The following SLC11A2 variants were observed in gnomAD, a reference collection of about 807,000 sequenced individuals.
SLC11A2 encodes the protein natural resistance-associated macrophage protein 2.
Under a neutral mutation model 68.0 loss-of-function variants are expected in SLC11A2, and 38 were observed. The observed-to-expected ratio is 0.56, with a 90% CI of 0.43 to 0.73. The LOEUF is 0.73. Among genes scored for constraint, SLC11A2 ranks in the 30% least tolerant of loss-of-function variants. The probability of loss-of-function intolerance (pLI) is 0.00; values close to 1 mark genes in which losing one functional copy is unlikely to be tolerated. For missense variants in SLC11A2, 517 were observed against 690.5 expected, an observed-to-expected ratio of 0.75 and a Z score of 2.82; for synonymous variants, 242 against 250.6, an observed-to-expected ratio of 0.97 and a Z score of 0.32.
At chr12:50,995,007 G>A in intron 10 of SLC11A2, 1 of 304,744 alleles carries the variant, frequency 3.3e-6, no homozygotes, top group Non-Finnish European at 6.3e-6. Context: ...GGAAACAAAT[G>A]GTGATCAAAA....
intron 12 of SLC11A2, 69 bp from the exon 13 acceptor site, chr12:50,992,408 G>C: frequency 7.0e-7 from 1 of 1,424,236 alleles, no homozygotes; most frequent in South Asian, 1.2e-5. Flanking sequence ...GGGAGGTTCA[G>C]GAGAGACCTC....
chr12:50,982,945 A>G (rs1462437923), downstream of SLC11A2, among the ~76,000 whole-genome samples: 3 of 151,596 alleles, frequency 2.0e-5, no homozygotes, highest in African/African-American at 7.3e-5. Context: ...CGTCAAAAAA[A>G]AAAAAAAAAA....
chr12:50,964,491 G>A, the SLC11A2 span, among the ~76,000 whole-genome samples: 1 of 152,138 alleles, frequency 6.6e-6, no homozygotes, highest in Non-Finnish European at 1.5e-5. Context: ...ATTTCCCCTT[G>A]ATGTTCAGAA....
intron 11 of SLC11A2, among the ~76,000 whole-genome samples, chr12:50,994,335 C>A (rs1941494425): frequency 6.6e-6 from 1 of 152,286 alleles, no homozygotes; most frequent in South Asian, 2.1e-4. Context: ...GCGTGAACCA[C>A]CGCACCCGGC....
chr12:51,026,474 T>C (rs1382517874), upstream of SLC11A2: 5 of 690,698 alleles, frequency 7.2e-6, no homozygotes, highest in African/African-American at 3.8e-5. Context: ...CCGGGATGCG[T>C]GGCCCGCAGA....
downstream of SLC11A2, among the ~76,000 whole-genome samples, chr12:50,982,355 G>A (rs532641866): frequency 3.9e-5 from 6 of 152,224 alleles, no homozygotes; most frequent in Admixed American, 3.3e-4. Flanking sequence ...GCTGGGTGCG[G>A]TGGCTCACGC....
At chr12:51,007,667 G>T (rs905016951) in intron 3 of SLC11A2, among the ~76,000 whole-genome samples, 11 of 150,716 alleles carry the variant, frequency 7.3e-5, no homozygotes, top group African/African-American at 2.7e-4. Flanking sequence ...TTGAGAGGAG[G>T]TCTCATTCTG....
Position 50,986,833 on chromosome 12 carries a change from T to A in SLC11A2, c.*1492A>T. The A allele has an allele frequency of 7.8e-7, 1 of 1,287,186 alleles. No homozygotes were observed. The highest frequency in any genetic ancestry group is 1.0e-6 in the Non-Finnish European group (1 of 988,674). The allele number at this position is 1,287,186 out of a possible 1,614,324, so 79.7% of individuals were successfully genotyped here. ...TAAATGCCTTATAAAAGACCATCCA[T>A]CCAGTCTGCGCTTTTGACTGTGTGC... On this transcript the variant is annotated 3_prime_UTR_variant, in exon 16 of 16. Transcript: ENST00000262052.
At chr12:50,989,790 T>C (rs1445598339) in intron 15 of SLC11A2, among the ~76,000 whole-genome samples, 1 of 152,210 alleles carries the variant, frequency 6.6e-6, no homozygotes, top group Non-Finnish European at 1.5e-5. Flanking sequence ...TAATAAAGTA[T>C]CTAATGTGTG....
chr12:50,988,367 T>G lies in SLC11A2; in HGVS notation c.1644A>C (p.Lys548Asn). 1.9e-6 allele frequency: 3 copies of G among 1,614,056 alleles called. No homozygotes were observed. Among genetic ancestry groups the G allele is most frequent in the Non-Finnish European group, 1.7e-6 (2 of 1,179,938 alleles). The change falls in exon 16 of 16, where the codon AAA (lysine) becomes AAC (asparagine). Residue 548 changes from lysine (K) to asparagine (N), a missense_variant. By Grantham distance (94) the Lys-to-Asn change is moderately conservative. Coordinates refer to ENST00000262052, the MANE Select transcript of SLC11A2 (RefSeq NM_000617.3). ...LDCGHTVSISKGLLTEEATRG... is the reference protein window; with the variant it reads ...LDCGHTVSISNGLLTEEATRG... ...GGGTGGCTTCTTCTGTCAGCAGGCC[T>G]TTAGAGATGCTTACCGTATGCCCAC...
At chr12:50,989,684 G>A (rs929941090) in intron 15 of SLC11A2, among the ~76,000 whole-genome samples, 12 of 152,164 alleles carry the variant, frequency 7.9e-5, no homozygotes, top group Admixed American at 7.9e-4. Flanking sequence ...CTAGATCATA[G>A]GGTCAGTACA....
chr12:51,005,195 G>T, intron 4 of SLC11A2, 116 bp downstream of exon 4: 1 of 1,146,482 alleles, frequency 8.7e-7, no homozygotes, highest in African/African-American at 1.5e-5. Context: ...AAGAGCCACT[G>T]CCAATGAAGT....
At position 51,013,127 on chromosome 12, in the gene SLC11A2, G is replaced by A. The variant is rs2239862; in HGVS notation, c.-38-2361C>T. On this transcript the variant is annotated intron_variant, in intron 1 of 15. Transcript: ENST00000262052. ...GGAAAAGAGGAACTTGGCACACTGA[G>A]GAATCAAAAAACTCAAGTACATCAA... 5.6e-3 allele frequency among the ~76,000 whole-genome samples: 856 copies of A among 152,166 alleles called. 4 individuals are homozygous for A. The highest frequency in any genetic ancestry group is 0.036 in the East Asian group (184 of 5,182).
At position 50,988,144 on chromosome 12, in the gene SLC11A2, G is replaced by A. The variant is rs749596220; in HGVS notation, c.*181C>T. The A allele has an allele frequency of 6.6e-7, 1 of 1,511,712 alleles. No homozygotes were observed. Among genetic ancestry groups the A allele is most frequent in the South Asian group, 1.2e-5 (1 of 82,956 alleles). The allele number at this position is 1,511,712 out of a possible 1,614,324, so 93.6% of individuals were successfully genotyped here. A position where few individuals can be genotyped will look rare whatever the true frequency, so the allele number is the denominator to read the frequency against. ...CACCCTAATCCAGTTCTAAGGTTAGGTCAGGAAGGAAAAAATAATTCCATC... is the reference window on the plus strand; with the variant it reads ...CACCCTAATCCAGTTCTAAGGTTAGATCAGGAAGGAAAAAATAATTCCATC... On this transcript the variant is annotated 3_prime_UTR_variant, in exon 16 of 16. Coordinates refer to ENST00000262052, the MANE Select transcript of SLC11A2 (RefSeq NM_000617.3).
chr12:51,023,763 G>A (rs1210285243), intron 1 of SLC11A2, among the ~76,000 whole-genome samples: 1 of 152,154 alleles, frequency 6.6e-6, no homozygotes, highest in Admixed American at 6.6e-5. Context: ...TAAACTGGTT[G>A]GGCACGGTGG....
intron 2 of SLC11A2, chr12:51,009,249 T>C (rs1210553895): frequency 1.5e-6 from 2 of 1,330,968 alleles, no homozygotes; most frequent in Non-Finnish European, 1.9e-6. Context: ...CTTTGTACTC[T>C]GACTAAGGCT....
chr12:50,994,187 C>G (rs1268117946), intron 11 of SLC11A2, among the ~76,000 whole-genome samples: 1 of 151,904 alleles, frequency 6.6e-6, no homozygotes, highest in South Asian at 2.1e-4. Flanking sequence ...ATTACAGGTG[C>G]CCACCACCAC....
intron 12 of SLC11A2, 67 bp from the exon 13 acceptor site, chr12:50,992,406 C>A: frequency 7.0e-7 from 1 of 1,421,084 alleles, no homozygotes; most frequent in Non-Finnish European, 9.9e-7. Flanking sequence ...TGGGGAGGTT[C>A]AGGAGAGACC....
intron 1 of SLC11A2, among the ~76,000 whole-genome samples, chr12:51,013,452 G>A (rs763437090): frequency 4.6e-5 from 7 of 151,494 alleles, no homozygotes; most frequent in Non-Finnish European, 1.0e-4. Flanking sequence ...CACCGAGCCC[G>A]GCTAATTTTT....
Sources: allele counts gnomAD v4.1 joint callset (sites outside exome capture counted in the v4.1 genomes callset), GRCh38; gene constraint gnomAD v4.1.1; transcripts MANE v1.5; gene names NCBI Gene and HGNC (gene_info 2026-07-23, HGNC 2026-07-21).